The following ANKRD60 variants were observed in gnomAD, a reference collection of about 807,000 sequenced individuals.
ANKRD60 encodes ankyrin repeat domain-containing protein 60.
Under a neutral mutation model 21.3 loss-of-function variants are expected in ANKRD60, and 24 were observed. That is an observed-to-expected ratio of 1.13 (90% CI 0.82 to 1.59). The LOEUF is 1.59. Ranked by LOEUF, ANKRD60 falls within the 40% of genes most tolerant of loss-of-function variation. The pLI, the probability that ANKRD60 is intolerant of heterozygous loss-of-function variation, is 0.00. For synonymous variants in ANKRD60, 182 were observed against 199.4 expected (o/e 0.91, Z 0.74); for missense variants, 490 against 466.7 (o/e 1.05, Z -0.46).
intron 1 of ANKRD60, among the ~76,000 whole-genome samples, chr20:58,226,737 A>G (rs973939982): frequency 6.6e-6 from 1 of 151,894 alleles, no homozygotes; most frequent in Non-Finnish European, 1.5e-5. Flanking sequence ...TTATGAAGAT[A>G]CTTTGAGGGG....
chr20:58,227,326 G>T (rs1188983387), intron 1 of ANKRD60, among the ~76,000 whole-genome samples: 1 of 151,666 alleles, frequency 6.6e-6, no homozygotes, highest in Non-Finnish European at 1.5e-5. Context: ...GTCTTGGGCT[G>T]GTTTGTTGAT....
exon 2 of ANKRD60, chr20:58,223,166 G>A (rs1364062468): frequency 6.5e-7 from 1 of 1,546,768 alleles, no homozygotes; most frequent in Admixed American, 2.0e-5. Context: ...TCAGGGTAGT[G>A]TCATCCATCA....
At position 58,228,609 on chromosome 20, in the gene ANKRD60, CCCCGCCGCCG is replaced by C; in HGVS notation, c.35_44del (p.Ala12GlyfsTer102). 1 of 1,052,452 alleles carries C rather than the reference CCCCGCCGCCG, an allele frequency of 9.5e-7. No individual in the cohort carries two copies. The highest frequency in any genetic ancestry group is 1.7e-5 in the African/African-American group (1 of 58,498). 65.2% of individuals were successfully genotyped at this position (1,052,452 alleles called of 1,614,324 possible). ...GCCCCGCCGCCCGCGCTCCGCCCGC[CCCCGCCGCCG>C]CCCGCCGCATCCCCCAGGCGCGGCC... On this transcript the variant is annotated frameshift_variant, in exon 1 of 4. Transcript: ENST00000457363. LOFTEE classifies it high-confidence loss of function. This position sits in a 1 kb window ranked among gnomAD's most constrained non-coding sequence, Gnocchi z 5.3.
At chr20:58,218,923 A>G in intron 3 of ANKRD60, 118 bp from the exon 4 acceptor site, 1 of 930,336 alleles carries the variant, frequency 1.1e-6, no homozygotes, top group Non-Finnish European at 1.6e-6. Context: ...CAGCTCCAGT[A>G]CTGCCCTGCC....
At chr20:58,220,132 A>G (rs1214454457) in intron 3 of ANKRD60, among the ~76,000 whole-genome samples, 1 of 152,232 alleles carries the variant, frequency 6.6e-6, no homozygotes, top group African/African-American at 2.4e-5. Context: ...TGAGTAGGAA[A>G]GAAAGGGGTC....
chr20:58,217,924 T>C (rs1984167295), downstream of ANKRD60, among the ~76,000 whole-genome samples: 1 of 152,188 alleles, frequency 6.6e-6, no homozygotes, highest in Non-Finnish European at 1.5e-5. Context: ...CCATCCCTTC[T>C]GGAGAGTGTG....
At chr20:58,216,921 C>A (rs1984147557), downstream of ANKRD60, among the ~76,000 whole-genome samples, 1 of 152,278 alleles carries the variant, frequency 6.6e-6, no homozygotes, top group Non-Finnish European at 1.5e-5. Context: ...GAGAGTGGAC[C>A]CCACACGCCA....
intron 1 of ANKRD60, among the ~76,000 whole-genome samples, chr20:58,227,452 A>C (rs1452094421): frequency 6.6e-6 from 1 of 151,792 alleles, no homozygotes; most frequent in African/African-American, 2.4e-5. Flanking sequence ...TTTGGGGTTC[A>C]GTTGGGCATG....
At chr20:58,226,482 G>A (rs574032111) in intron 1 of ANKRD60, among the ~76,000 whole-genome samples, 6 of 152,242 alleles carry the variant, frequency 3.9e-5, no homozygotes, top group African/African-American at 1.4e-4. Context: ...TTGGGGTTCT[G>A]GTATAAATAA....
At chr20:58,221,600 T>A (rs1284970946) in intron 2 of ANKRD60, 97 bp from the exon 3 acceptor site, 2 of 1,354,382 alleles carry the variant, frequency 1.5e-6, no homozygotes, top group Non-Finnish European at 2.0e-6. Context: ...CTTGCTTGAA[T>A]GTCAAATTAA....
chr20:58,218,704 C>T (rs1370808787), exon 4 of ANKRD60: 1 of 1,551,492 alleles, frequency 6.4e-7, no homozygotes. Context: ...TGGATGGAGG[C>T]CCCGTGCTGG....
rs752455706 is a variant in ANKRD60 at position 58,228,266 on chromosome 20, C to G, written c.388G>C (p.Gly130Arg). 5 of 1,550,912 alleles carry G rather than the reference C, an allele frequency of 3.2e-6. No individual in the cohort carries two copies. The highest frequency in any genetic ancestry group is 2.7e-5 in the African/African-American group (2 of 73,004). ...AGCCGCTGGAGGTTGAAGGGGATGC[C>G]GACCATCAGGTCCAGCTCCTCTTTG... Residue 130 changes from glycine (G) to arginine (R), a missense_variant, in exon 1 of 4, where the codon GGC becomes CGC. Transcript: ENST00000457363. This position sits in a 1 kb window ranked among gnomAD's most constrained non-coding sequence, Gnocchi z 5.3.
chr20:58,219,783 G>T (rs1984209158), intron 3 of ANKRD60, among the ~76,000 whole-genome samples: 1 of 152,208 alleles, frequency 6.6e-6, no homozygotes, highest in Non-Finnish European at 1.5e-5. Context: ...GCAGCTGTCT[G>T]CAGAGGACAG....
At chr20:58,218,387 G>A (rs976546935), downstream of ANKRD60, 3 of 1,081,896 alleles carry the variant, frequency 2.8e-6, no homozygotes, top group Non-Finnish European at 2.6e-6. Flanking sequence ...TCTGATTCAG[G>A]TTAATTGCCC....
At chr20:58,218,466 C>G, downstream of ANKRD60, 1 of 1,531,786 alleles carries the variant, frequency 6.5e-7, no homozygotes, top group Non-Finnish European at 8.8e-7. Flanking sequence ...CCCAAACCAG[C>G]CTCAGCGGGC....
intron 1 of ANKRD60, among the ~76,000 whole-genome samples, chr20:58,223,725 G>A (rs1984309583): frequency 6.6e-6 from 1 of 152,142 alleles, no homozygotes; most frequent in East Asian, 1.9e-4. Flanking sequence ...TGTGGCAGGG[G>A]CCCCTCCTCG....
Position 58,221,154 on chromosome 20 carries a change from GGC to G in ANKRD60, c.727+182_727+183del, listed in dbSNP as rs1319876866. Among the ~76,000 whole-genome samples the G allele has an allele frequency of 2.0e-5, 3 of 152,156 alleles. No homozygotes were observed. The South Asian group carries it at 6.2e-4, about 31-fold the overall frequency. The stretch of plus-strand genomic sequence containing the variant: ...AAGAGAAGGAGGGCAGCCTCTGACT[GGC>G]GTGCCCTAAGACACTTGCCTAGACA... On this transcript the variant is annotated intron_variant, in intron 3 of 3. Transcript: ENST00000457363.
intron 1 of ANKRD60, among the ~76,000 whole-genome samples, chr20:58,226,858 G>A (rs555508202): frequency 6.6e-6 from 1 of 152,264 alleles, no homozygotes; most frequent in South Asian, 2.1e-4. Flanking sequence ...TTTGGGCTCT[G>A]TCATCCTTAT....
At chr20:58,222,919 G>A in intron 2 of ANKRD60, 133 bp downstream of exon 2, 1 of 1,160,434 alleles carries the variant, frequency 8.6e-7, no homozygotes, top group African/African-American at 1.6e-5. Flanking sequence ...TCATAATTAT[G>A]ACACGGCTCA....
Sources: allele counts gnomAD v4.1 joint callset (sites outside exome capture counted in the v4.1 genomes callset), GRCh38; gene constraint gnomAD v4.1.1; non-coding constraint Gnocchi (gnomAD v3.1); transcripts MANE v1.5; gene names NCBI Gene and HGNC (gene_info 2026-07-23, HGNC 2026-07-21).